Variants in ELF1 observed in about 807,000 individuals in gnomAD.
The protein encoded by ELF1 is ETS-related transcription factor Elf-1.
In ELF1, 24 loss-of-function variants were observed where a neutral mutation model predicts 59.9. That is an observed-to-expected ratio of 0.40 (90% CI 0.29 to 0.56). ELF1 has a LOEUF of 0.56. ELF1 is among the 20% of genes least tolerant of loss of function. The pLI is 0.44. For missense variants in ELF1, 627 were observed against 742.2 expected (o/e 0.84, Z 1.80); for synonymous variants, 248 against 266.2 (o/e 0.93, Z 0.67).
chr13:40,958,654 A>G (rs1172594762), intron 3 of ELF1, among the ~76,000 whole-genome samples, 182 bp downstream of exon 3: 1 of 152,214 alleles, frequency 6.6e-6, no homozygotes, highest in East Asian at 1.9e-4. Context: ...ATGACAAAAC[A>G]GTACTAAATC....
At chr13:41,037,142 T>C (rs1876415058) in intron 1 of ELF1, among the ~76,000 whole-genome samples, 1 of 151,832 alleles carries the variant, frequency 6.6e-6, no homozygotes, top group African/African-American at 2.4e-5. Context: ...TTAAAAGTAT[T>C]TTAGACTTAG....
intron 1 of ELF1, among the ~76,000 whole-genome samples, chr13:40,986,572 A>T (rs917255948): frequency 6.6e-6 from 1 of 152,198 alleles, no homozygotes; most frequent in African/African-American, 2.4e-5. Flanking sequence ...GCCCATTGTC[A>T]ACAAAACTGT....
intron 1 of ELF1, among the ~76,000 whole-genome samples, chr13:41,048,713 G>A (rs533410699): frequency 7.9e-5 from 12 of 151,648 alleles, no homozygotes; most frequent in South Asian, 4.2e-4. Flanking sequence ...ACGCCTAGCC[G>A]AAGGTATTTT....
exon 1 of ELF1, chr13:41,060,863 C>T (rs1442600370): frequency 6.0e-6 from 2 of 330,606 alleles, no homozygotes; most frequent in East Asian, 7.4e-5. Context: ...GCCTCTGCCT[C>T]CTTCGCCGCA....
intron 1 of ELF1, among the ~76,000 whole-genome samples, chr13:41,041,723 T>C (rs1237246422): frequency 1.3e-5 from 2 of 152,100 alleles, no homozygotes; most frequent in South Asian, 2.1e-4. Flanking sequence ...AGCCAGTCCA[T>C]AGATCAGATG....
At chr13:41,001,584 G>GTCCC (rs1874449704) in intron 1 of ELF1, among the ~76,000 whole-genome samples, 2 of 152,140 alleles carry the variant, frequency 1.3e-5, no homozygotes, top group South Asian at 4.1e-4. Context: ...GACATACAAC[G>GTCCC]TGAGAGACCC....
chr13:41,042,313 T>A (rs1468130431), intron 1 of ELF1, among the ~76,000 whole-genome samples: 3 of 151,834 alleles, frequency 2.0e-5, no homozygotes, highest in East Asian at 1.9e-4. Context: ...TCTTTTTTTT[T>A]TTATTATTAT....
intron 1 of ELF1, among the ~76,000 whole-genome samples, chr13:41,011,581 C>T (rs1055295352): frequency 3.9e-5 from 6 of 151,996 alleles, no homozygotes; most frequent in African/African-American, 1.4e-4. Context: ...GTGGCTGGGA[C>T]TACAGTCACT....
rs755730886 is a variant in ELF1 at position 40,933,711 on chromosome 13, G to C, written c.1574C>G (p.Ser525Cys). 2 of 1,614,274 alleles carry C rather than the reference G, an allele frequency of 1.2e-6. No individual in the cohort carries two copies. The highest frequency in any genetic ancestry group is 1.6e-4 in the Middle Eastern group (1 of 6,062). ...ICNGTVSVAS[S>C]PSFSATAPVV... Reference sequence around the variant, plus strand: ...AGGTGCAGTAGCACTGAAGGATGGAGAGGAAGCCACACTGACGGTTCCATT... The same window carrying C: ...AGGTGCAGTAGCACTGAAGGATGGACAGGAAGCCACACTGACGGTTCCATT... Residue 525 changes from serine (S) to cysteine (C), a missense_variant, in exon 9 of 9, where the codon TCT (serine) becomes TGT (cysteine). Ser to Cys is a moderately radical substitution (Grantham distance 112). Around this residue, in one of 3 missense-constraint regions of ELF1, gnomAD observed 361 missense variants for 396.1 expected, o/e 0.91. Coordinates refer to ENST00000239882, the MANE Select transcript of ELF1 (RefSeq NM_172373.4).
chr13:40,985,393 G>C (rs1208981748), intron 1 of ELF1, among the ~76,000 whole-genome samples: 1 of 152,078 alleles, frequency 6.6e-6, no homozygotes, highest in Non-Finnish European at 1.5e-5. Flanking sequence ...AGTAAATTGG[G>C]GTGGTCAAGT....
chr13:41,028,834 A>G (rs1207025900), intron 1 of ELF1, among the ~76,000 whole-genome samples: 1 of 152,086 alleles, frequency 6.6e-6, no homozygotes, highest in African/African-American at 2.4e-5. Flanking sequence ...CCCAGGTTCA[A>G]GCGATTCTTA....
At chr13:41,044,655 T>C (rs1876765932) in intron 1 of ELF1, among the ~76,000 whole-genome samples, 1 of 152,192 alleles carries the variant, frequency 6.6e-6, no homozygotes, top group African/African-American at 2.4e-5. Context: ...CACTTGATCA[T>C]GGTGGATAAG....
chr13:40,976,506 A>G (rs1872911468), intron 2 of ELF1, among the ~76,000 whole-genome samples: 1 of 152,170 alleles, frequency 6.6e-6, no homozygotes, highest in Admixed American at 6.5e-5. Flanking sequence ...ATCACTGGGC[A>G]GCTTGTATAA....
At chr13:40,997,552 G>A (rs957591712) in intron 1 of ELF1, among the ~76,000 whole-genome samples, 4 of 149,984 alleles carry the variant, frequency 2.7e-5, no homozygotes, top group South Asian at 2.1e-4. Flanking sequence ...CACTGCACCC[G>A]GCCATCTTTT....
intron 1 of ELF1, among the ~76,000 whole-genome samples, chr13:40,983,598 C>G (rs186144353): frequency 2.6e-5 from 4 of 152,212 alleles, no homozygotes; most frequent in African/African-American, 7.2e-5. Flanking sequence ...CTCATCCACT[C>G]CCTTTTAACA....
chr13:41,061,346 T>G, exon 1 of ELF1: 1 of 457,936 alleles, frequency 2.2e-6, no homozygotes, highest in Non-Finnish European at 4.0e-6. Context: ...ACTTGAGGCT[T>G]GAGATCCCGT....
chr13:41,023,576 T>C (rs745766596), upstream of ELF1, among the ~76,000 whole-genome samples: 48 of 152,338 alleles, frequency 3.2e-4, no homozygotes, highest in Middle Eastern at 6.8e-3. Flanking sequence ...TTCCAAGAAT[T>C]GTGTAGAATT....
chr13:41,043,312 G>A (rs2138423511), intron 1 of ELF1, among the ~76,000 whole-genome samples: 1 of 152,260 alleles, frequency 6.6e-6, no homozygotes, highest in South Asian at 2.1e-4. Context: ...AGTTTAATTA[G>A]ATCCCATTTG....
chr13:40,956,571 CAAAAAAAAAAAAAAA>C (rs34245662), intron 3 of ELF1, among the ~76,000 whole-genome samples: 2 of 76,146 alleles, frequency 2.6e-5, no homozygotes, highest in South Asian at 4.4e-4. Flanking sequence ...CAAGAATGAT[CAAAAAAAAAAAAAAA>C]AAAAAAAAGA....
Sources: gnomAD v4.1 joint callset for allele counts (sites outside exome capture counted in the v4.1 genomes callset) on GRCh38, gnomAD v4.1.1 for gene constraint, gnomAD v4.1.1 regional missense constraint, MANE v1.5 for transcripts, NCBI Gene and HGNC (gene_info 2026-07-23, HGNC 2026-07-21) for gene names.